Variants in EMB observed in about 807,000 individuals in gnomAD.
EMB encodes embigin.
In EMB, 31 loss-of-function variants were observed where a neutral mutation model predicts 41.4. That is an observed-to-expected ratio of 0.75 (90% CI 0.56 to 1.01). The LOEUF (loss-of-function observed/expected upper bound fraction) is 1.01, where lower values mean the gene tolerates loss of function less well. EMB is among the 50% of genes least tolerant of loss of function. The probability of loss-of-function intolerance (pLI) is 0.00; values close to 1 mark genes in which losing one functional copy is unlikely to be tolerated. For synonymous variants in EMB, 137 were observed against 140.4 expected, an observed-to-expected ratio of 0.98 and a Z score of 0.17; for missense variants, 379 against 388.3, an observed-to-expected ratio of 0.98 and a Z score of 0.20.
intron 7 of EMB, among the ~76,000 whole-genome samples, chr5:50,402,084 C>T (rs1240119871): frequency 6.6e-6 from 1 of 151,844 alleles, no homozygotes; most frequent in Non-Finnish European, 1.5e-5. Context: ...AGCTGAAGTA[C>T]AGAGAAGTGC....
intron 4 of EMB, among the ~76,000 whole-genome samples, chr5:50,409,467 C>T (rs1268027432): frequency 6.6e-6 from 1 of 152,000 alleles, no homozygotes; most frequent in East Asian, 1.9e-4. Flanking sequence ...TCCTCAGAAT[C>T]TGTAGGCCTT....
chr5:50,430,198 G>A (rs1745693772), intron 1 of EMB, among the ~76,000 whole-genome samples: 1 of 152,134 alleles, frequency 6.6e-6, no homozygotes, highest in Admixed American at 6.5e-5. Flanking sequence ...AGCCAGGCGG[G>A]GGTGGATGAG....
Position 50,396,474 on chromosome 5 carries a change from A to G in EMB, c.*2799T>C, listed in dbSNP as rs1349725310. 1 of 152,108 alleles carries G rather than the reference A, an allele frequency of 6.6e-6. No homozygotes were observed. The highest frequency in any genetic ancestry group is 1.5e-5 in the Non-Finnish European group (1 of 68,012). 9.4% of individuals were successfully genotyped at this position (152,108 alleles called of 1,614,324 possible). A position where few individuals can be genotyped will look rare whatever the true frequency, so the allele number is the denominator to read the frequency against. ...ATGTGGAGTTATTTAAGCATGTAAG[A>G]TGGTACATGCTCTACCAGGTATGGG... On this transcript the variant is annotated 3_prime_UTR_variant, in exon 9 of 9. Coordinates refer to ENST00000303221, the MANE Select transcript of EMB (RefSeq NM_198449.3).
At chr5:50,422,549 C>A (rs189627392) in intron 2 of EMB, among the ~76,000 whole-genome samples, 4 of 152,120 alleles carry the variant, frequency 2.6e-5, no homozygotes, top group Non-Finnish European at 5.9e-5. Context: ...AAAGTTGAGA[C>A]GCTGGCTAAC....
At position 50,399,258 on chromosome 5, in the gene EMB, C is replaced by A; in HGVS notation, c.*15G>T. ...CTGTATATCTTCCAATGATTCTCGACATGATGTTTTGTATTCACTGGCCCA... is the reference window on the plus strand; with the variant it reads ...CTGTATATCTTCCAATGATTCTCGAAATGATGTTTTGTATTCACTGGCCCA... On this transcript the variant is annotated 3_prime_UTR_variant, in exon 9 of 9. Transcript: ENST00000303221. 3 of 1,607,832 alleles carry A rather than the reference C, an allele frequency of 1.9e-6. No homozygotes were observed. The highest frequency in any genetic ancestry group is 2.7e-5 in the African/African-American group (2 of 74,642).
chr5:50,396,242 G>T lies in EMB; in HGVS notation c.*3031C>A, dbSNP rs1271019737. 2 of 151,944 alleles carry T rather than the reference G, an allele frequency of 1.3e-5. No homozygotes were observed. The highest frequency in any genetic ancestry group is 4.8e-5 in the African/African-American group (2 of 41,390). The allele number at this position is 151,944 out of a possible 1,614,324, so 9.4% of individuals were successfully genotyped here. A position where few individuals can be genotyped will look rare whatever the true frequency, so the allele number is the denominator to read the frequency against. On this transcript the variant is annotated 3_prime_UTR_variant, in exon 9 of 9. Coordinates refer to ENST00000303221, the MANE Select transcript of EMB (RefSeq NM_198449.3). The stretch of plus-strand genomic sequence containing the variant: ...TTATTAGAATACTTTTTTCAATTCT[G>T]ATTTGTCACAATTTAGATTCTTTTT...
At chr5:50,414,683 CTGCT>C (rs1486165189) in intron 2 of EMB, among the ~76,000 whole-genome samples, 2 of 152,066 alleles carry the variant, frequency 1.3e-5, no homozygotes, top group African/African-American at 4.8e-5. Context: ...CTTGAAATAA[CTGCT>C]TGTAAAATTG....
chr5:50,407,683 C>T (rs762729386), intron 4 of EMB, among the ~76,000 whole-genome samples: 11 of 151,902 alleles, frequency 7.2e-5, no homozygotes, highest in Non-Finnish European at 1.5e-4. Context: ...GGGTTCAGGG[C>T]CACAGCTTAT....
intron 5 of EMB, among the ~76,000 whole-genome samples, 161 bp downstream of exon 5, chr5:50,405,564 A>C (rs1164458818): frequency 6.6e-6 from 1 of 151,844 alleles, no homozygotes; most frequent in African/African-American, 2.4e-5. Flanking sequence ...TCAAATGACA[A>C]CTCTGTTTGT....
chr5:50,423,331 G>C (rs185773683), intron 2 of EMB, among the ~76,000 whole-genome samples: 130 of 152,176 alleles, frequency 8.5e-4, no homozygotes, highest in Middle Eastern at 3.4e-3. Flanking sequence ...AGAGAAGAGA[G>C]ACAGAAATGG....
chr5:50,423,019 C>CA (rs1487052120), intron 2 of EMB, among the ~76,000 whole-genome samples: 1 of 145,604 alleles, frequency 6.9e-6, no homozygotes, highest in Non-Finnish European at 1.5e-5. Flanking sequence ...TGGTTTATAA[C>CA]AAAAAAATAT....
intron 1 of EMB, among the ~76,000 whole-genome samples, chr5:50,440,141 A>C (rs941341336): frequency 6.6e-6 from 1 of 152,170 alleles, no homozygotes; most frequent in African/African-American, 2.4e-5. Context: ...GTTTTCAAAG[A>C]CCACGGTGTA....
chr5:50,411,565 T>G (rs1168418709), intron 2 of EMB, 182 bp from the exon 3 acceptor site: 3 of 463,684 alleles, frequency 6.5e-6, no homozygotes, highest in East Asian at 3.4e-5. Context: ...TATGCACACC[T>G]AAAGAAAAGT....
At chr5:50,405,082 A>T (rs1476017525) in intron 5 of EMB, among the ~76,000 whole-genome samples, 1 of 151,886 alleles carries the variant, frequency 6.6e-6, no homozygotes, top group Non-Finnish European at 1.5e-5. Flanking sequence ...ATTAGAGGCT[A>T]TTTGGGGAGA....
At chr5:50,404,719 C>CAT (rs1273309192) in intron 5 of EMB, among the ~76,000 whole-genome samples, 2 of 151,846 alleles carry the variant, frequency 1.3e-5, no homozygotes, top group Non-Finnish European at 2.9e-5. Flanking sequence ...AAAAAAATTA[C>CAT]ATATACACAA....
chr5:50,439,509 TAAAG>T (rs1745860856), intron 1 of EMB, among the ~76,000 whole-genome samples: 2 of 144,844 alleles, frequency 1.4e-5, no homozygotes, highest in Admixed American at 1.4e-4. Flanking sequence ...TTTTTTTTAA[TAAAG>T]AAGGGACCTT....
At chr5:50,432,582 G>C (rs945471291) in intron 1 of EMB, among the ~76,000 whole-genome samples, 2 of 151,854 alleles carry the variant, frequency 1.3e-5, no homozygotes, top group Non-Finnish European at 2.9e-5. Flanking sequence ...TAATTACTAA[G>C]TAAAATACTG....
At chr5:50,402,182 T>C (rs538285300) in intron 7 of EMB, 104 bp downstream of exon 7, 2 of 1,223,610 alleles carry the variant, frequency 1.6e-6, no homozygotes, top group South Asian at 1.2e-5. Flanking sequence ...ATACAGAAAA[T>C]ACTCCTCTGC....
At chr5:50,402,876 CAA>C (rs564451334) in intron 6 of EMB, among the ~76,000 whole-genome samples, 8,900 of 53,616 alleles carry the variant, frequency 0.17, 74 homozygotes, top group Middle Eastern at 0.25. Context: ...CCAGTAGCAC[CAA>C]AAAAAAAAAA....
Sources: gnomAD v4.1 joint callset for allele counts (sites outside exome capture counted in the v4.1 genomes callset) on GRCh38, gnomAD v4.1.1 for gene constraint, MANE v1.5 for transcripts, NCBI Gene and HGNC (gene_info 2026-07-23, HGNC 2026-07-21) for gene names.